Variants in FAM83B observed in about 807,000 individuals in gnomAD.
The protein encoded by FAM83B is scaffolding CK1 anchoring protein B.
In FAM83B, 26 loss-of-function variants were observed where a neutral mutation model predicts 38.8. The ratio of observed to expected loss-of-function variants is 0.67; its 90% CI spans 0.49 to 0.93. The LOEUF (loss-of-function observed/expected upper bound fraction) is 0.93. FAM83B is among the 40% of genes least tolerant of loss of function. FAM83B has a pLI of 0.00. For missense variants in FAM83B, 1,237 were observed against 1,197.3 expected (o/e 1.03, Z -0.49); for synonymous variants, 419 against 423.1 (o/e 0.99, Z 0.12).
chr6:54,940,644 G>A lies in FAM83B; in HGVS notation c.1673G>A (p.Ser558Asn). The change falls in exon 5 of 5, where the codon AGT becomes AAT. Residue 558 changes from serine to asparagine, a missense_variant. Physicochemically the swap from Ser to Asn is conservative, Grantham distance 46. Coordinates refer to ENST00000306858, the MANE Select transcript of FAM83B (RefSeq NM_001010872.3). ...TTACCTGAGCAAAAGGAAGTTAACA[G>A]TTGTACAACTGGCTCCTCAAATTCA... ...PTLPEQKEVN[S>N]CTTGSSNSTI... The A allele has an allele frequency of 6.2e-7, 1 of 1,614,018 alleles. No homozygotes were observed.
intron 2 of FAM83B, among the ~76,000 whole-genome samples, chr6:54,907,717 T>C (rs529391041): frequency 2.0e-5 from 3 of 152,230 alleles, no homozygotes; most frequent in East Asian, 3.9e-4. Context: ...ATTTGTTCAA[T>C]GTATGAATTT....
At chr6:54,909,261 A>C (rs1391000664) in intron 2 of FAM83B, among the ~76,000 whole-genome samples, 1 of 152,182 alleles carries the variant, frequency 6.6e-6, no homozygotes, top group African/African-American at 2.4e-5. Flanking sequence ...GTGTTCATGC[A>C]TAAAATATTA....
Position 54,866,297 on chromosome 6 carries a change from A to G in FAM83B, c.-60-3890A>G, listed in dbSNP as rs1400980522. Among the ~76,000 whole-genome samples the G allele has an allele frequency of 1.3e-5, 2 of 151,872 alleles. 1 individual carries two copies. The highest frequency in any genetic ancestry group is 2.9e-5 in the Non-Finnish European group (2 of 67,960). On this transcript the variant is annotated intron_variant, in intron 1 of 4. Coordinates refer to ENST00000306858, the MANE Select transcript of FAM83B (RefSeq NM_001010872.3). ...TTGAGATAATTGTGGTTTCACATAT[A>G]GTTAAGGGCAAAAATCCAGAGAGAT...
At chr6:54,853,809 G>A (rs1445137824) in intron 1 of FAM83B, among the ~76,000 whole-genome samples, 2 of 152,108 alleles carry the variant, frequency 1.3e-5, no homozygotes, top group Admixed American at 6.6e-5. Flanking sequence ...ATTTAAAAAG[G>A]CATTTCATAA....
intron 2 of FAM83B, among the ~76,000 whole-genome samples, chr6:54,912,450 G>A (rs1772932170): frequency 6.7e-6 from 1 of 149,648 alleles, no homozygotes. Context: ...AAAAGATTCT[G>A]ACGGTGAGAT....
intron 2 of FAM83B, among the ~76,000 whole-genome samples, chr6:54,879,541 G>A (rs996193932): frequency 1.3e-5 from 2 of 152,174 alleles, no homozygotes; most frequent in African/African-American, 4.8e-5. Context: ...TAGATGGATA[G>A]TTTTGATAAG....
chr6:54,930,570 A>T (rs904769605), intron 4 of FAM83B, among the ~76,000 whole-genome samples: 2 of 152,088 alleles, frequency 1.3e-5, no homozygotes, highest in Admixed American at 6.6e-5. Flanking sequence ...TTATGGCTTA[A>T]TGTGGGATGG....
At chr6:54,918,315 C>T (rs1420240987) in intron 2 of FAM83B, among the ~76,000 whole-genome samples, 1 of 152,082 alleles carries the variant, frequency 6.6e-6, no homozygotes, top group East Asian at 1.9e-4. Flanking sequence ...TCAGAAAACA[C>T]TGGGATTTCT....
intron 2 of FAM83B, among the ~76,000 whole-genome samples, chr6:54,903,118 G>T (rs1003719282): frequency 6.6e-6 from 1 of 152,100 alleles, no homozygotes; most frequent in African/African-American, 2.4e-5. Context: ...CAATAAGTGG[G>T]TTTATTTCAG....
chr6:54,912,496 G>A (rs1772933230), intron 2 of FAM83B, among the ~76,000 whole-genome samples: 1 of 150,476 alleles, frequency 6.6e-6, no homozygotes, highest in African/African-American at 2.4e-5. Flanking sequence ...AATAGAAATT[G>A]TTAATAAAAT....
At chr6:54,935,719 G>A (rs1255405715) in intron 4 of FAM83B, among the ~76,000 whole-genome samples, 2 of 152,092 alleles carry the variant, frequency 1.3e-5, no homozygotes, top group Non-Finnish European at 2.9e-5. Context: ...TGAAAAATGA[G>A]CAAATGAGAA....
chr6:54,858,969 A>T (rs1281502504), intron 1 of FAM83B, among the ~76,000 whole-genome samples: 2 of 152,142 alleles, frequency 1.3e-5, no homozygotes, highest in African/African-American at 4.8e-5. Context: ...ATTACCAAAA[A>T]CCTAACCTCG....
At chr6:54,885,175 G>A (rs1355506601) in intron 2 of FAM83B, among the ~76,000 whole-genome samples, 4 of 152,062 alleles carry the variant, frequency 2.6e-5, no homozygotes, top group Admixed American at 2.6e-4. Flanking sequence ...AAAAAATAAT[G>A]TTGGGATTTT....
At chr6:54,848,773 G>A (rs1771198918) in intron 1 of FAM83B, among the ~76,000 whole-genome samples, 1 of 152,132 alleles carries the variant, frequency 6.6e-6, no homozygotes, top group South Asian at 2.1e-4. Context: ...GAATCTTGGG[G>A]TGAAACTGTT....
intron 2 of FAM83B, among the ~76,000 whole-genome samples, chr6:54,891,143 A>G (rs1772392537): frequency 6.6e-6 from 1 of 152,024 alleles, no homozygotes; most frequent in South Asian, 2.1e-4. Context: ...ACCATTAAAC[A>G]TTTGAAAGAA....
chr6:54,873,487 A>G (rs1394688251), intron 2 of FAM83B, among the ~76,000 whole-genome samples: 1 of 152,162 alleles, frequency 6.6e-6, no homozygotes, highest in Non-Finnish European at 1.5e-5. Context: ...CATGACTATC[A>G]TTTACTCAAC....
chr6:54,940,809 C>A lies in FAM83B; in HGVS notation c.1838C>A (p.Thr613Asn), dbSNP rs770608044. 1.9e-6 allele frequency: 3 copies of A among 1,613,932 alleles called. No individual in the cohort carries two copies. Among genetic ancestry groups the A allele is most frequent in the African/African-American group, 2.7e-5 (2 of 74,910 alleles). Residue 613 changes from threonine to asparagine, a missense_variant, in exon 5 of 5, where the codon ACC (threonine) becomes AAC (asparagine). Physicochemically the swap from Thr to Asn is moderately conservative, Grantham distance 65 (BLOSUM62 0). Transcript: ENST00000306858. ...CAGTCAGAGGCACCAAAAATGCACA[C>A]CTTGCAGGTTCCTGAAAACCACTCA... The part of the protein sequence containing the change: ...PLQSEAPKMH[T>N]LQVPENHSVA...
chr6:54,911,039 A>T (rs1772896667), intron 2 of FAM83B, among the ~76,000 whole-genome samples: 2 of 152,126 alleles, frequency 1.3e-5, no homozygotes, highest in African/African-American at 4.8e-5. Context: ...TCCTGGTTGC[A>T]AAATTATAGC....
Position 54,941,111 on chromosome 6 carries a change from A to T in FAM83B, c.2140A>T (p.Thr714Ser). 3 of 1,613,740 alleles carry T rather than the reference A, an allele frequency of 1.9e-6. No individual in the cohort carries two copies. Among genetic ancestry groups the T allele is most frequent in the Non-Finnish European group, 2.5e-6 (3 of 1,179,908 alleles). The part of the protein sequence containing the change: ...LKSSKSMHNV[T>S]HNLEEDEEEV... ...AAGTTCTAAAAGCATGCACAATGTG[A>T]CTCATAACTTGGAGGAGGATGAGGA... The change falls in exon 5 of 5, where the codon ACT becomes TCT. Residue 714 changes from threonine (T) to serine (S), a missense_variant. By Grantham distance (58) the Thr-to-Ser change is moderately conservative. Transcript: ENST00000306858.
Sources: gnomAD v4.1 joint callset for allele counts (sites outside exome capture counted in the v4.1 genomes callset) on GRCh38, gnomAD v4.1.1 for gene constraint, MANE v1.5 for transcripts, NCBI Gene and HGNC (gene_info 2026-07-23, HGNC 2026-07-21) for gene names.